The following RABGAP1L variants were observed in gnomAD, a reference collection of about 807,000 sequenced individuals.
The protein encoded by RABGAP1L is RAB GTPase activating protein 1 like.
In RABGAP1L, 63 loss-of-function variants were observed where a neutral mutation model predicts 137.7. That is an observed-to-expected ratio of 0.46 (90% CI 0.37 to 0.56). The LOEUF is 0.56. Among genes scored for constraint, RABGAP1L ranks in the 20% least tolerant of loss-of-function variants. The probability of loss-of-function intolerance (pLI) is 0.00; values close to 1 mark genes in which losing one functional copy is unlikely to be tolerated. For synonymous variants in RABGAP1L, 431 were observed against 433.7 expected (o/e 0.99, Z 0.08); for missense variants, 1,095 against 1,244.0 (o/e 0.88, Z 1.80).
At chr1:174,946,301 A>G (rs999247451) in intron 19 of RABGAP1L, among the ~76,000 whole-genome samples, 4 of 152,118 alleles carry the variant, frequency 2.6e-5, no homozygotes, top group African/African-American at 9.7e-5. Context: ...GATGATAGTC[A>G]TGTAACATAG....
chr1:174,607,412 C>G (rs974318061), intron 13 of RABGAP1L, among the ~76,000 whole-genome samples: 8 of 152,158 alleles, frequency 5.3e-5, no homozygotes, highest in Non-Finnish European at 2.9e-5. Flanking sequence ...GGCCAGACCA[C>G]TCTTTTGCCC....
At chr1:174,499,315 A>G (rs1460771744) in intron 13 of RABGAP1L, among the ~76,000 whole-genome samples, 4 of 152,302 alleles carry the variant, frequency 2.6e-5, no homozygotes, top group Non-Finnish European at 5.9e-5. Flanking sequence ...TAGTAGAAAG[A>G]TGATTGTAAT....
chr1:174,331,415 T>C (rs1681018468), intron 11 of RABGAP1L, among the ~76,000 whole-genome samples: 1 of 152,196 alleles, frequency 6.6e-6, no homozygotes, highest in African/African-American at 2.4e-5. Flanking sequence ...TAGAAAATAT[T>C]TGCACATTAT....
At chr1:174,523,725 C>G (rs903358321) in intron 13 of RABGAP1L, among the ~76,000 whole-genome samples, 1 of 151,994 alleles carries the variant, frequency 6.6e-6, no homozygotes, top group Admixed American at 6.6e-5. Context: ...AGTGTTAGAA[C>G]TTATTTCTTC....
chr1:174,737,094 C>T (rs1266800430), intron 17 of RABGAP1L, among the ~76,000 whole-genome samples: 2 of 152,160 alleles, frequency 1.3e-5, no homozygotes, highest in African/African-American at 4.8e-5. Context: ...CCATAGCCTG[C>T]TTGAATTCCT....
intron 13 of RABGAP1L, among the ~76,000 whole-genome samples, chr1:174,522,679 T>G (rs1263454103): frequency 1.3e-5 from 2 of 152,184 alleles, no homozygotes; most frequent in Non-Finnish European, 2.9e-5. Flanking sequence ...ACAGGAAGCA[T>G]GATGCTGGCA....
At chr1:174,519,132 AAT>A (rs1218306942) in intron 13 of RABGAP1L, among the ~76,000 whole-genome samples, 1 of 151,406 alleles carries the variant, frequency 6.6e-6, no homozygotes. Flanking sequence ...CGTTATATAT[AAT>A]ATATATGTAT....
chr1:174,178,101 C>T lies in RABGAP1L; in HGVS notation c.-34+18444C>T, dbSNP rs1666042135. The stretch of plus-strand genomic sequence containing the variant: ...GGCCATTTTCACGACATTGATTCTT[C>T]CTATCCGTGAGTATGGACTGTTTTT... On this transcript the variant is annotated intron_variant, in intron 1 of 25. Coordinates refer to ENST00000681986, the MANE Select transcript of RABGAP1L (RefSeq NM_001366446.1). Among the ~76,000 whole-genome samples, 3 of 152,298 alleles carry T rather than the reference C, an allele frequency of 2.0e-5. No homozygotes were observed. The South Asian group carries it at 6.2e-4, about 32-fold the overall frequency.
intron 13 of RABGAP1L, among the ~76,000 whole-genome samples, chr1:174,495,701 T>C (rs973089081): frequency 1.3e-5 from 2 of 152,212 alleles, no homozygotes; most frequent in South Asian, 2.1e-4. Flanking sequence ...TTGGTACATA[T>C]TAAACTACCT....
intron 13 of RABGAP1L, among the ~76,000 whole-genome samples, chr1:174,615,090 T>C (rs1040279559): frequency 2.6e-5 from 4 of 152,244 alleles, no homozygotes; most frequent in Admixed American, 1.3e-4. Flanking sequence ...TCAAAGTCAT[T>C]CTCCATCCTG....
chr1:174,652,244 C>T (rs980547396), intron 14 of RABGAP1L, among the ~76,000 whole-genome samples: 1 of 152,182 alleles, frequency 6.6e-6, no homozygotes, highest in African/African-American at 2.4e-5. Flanking sequence ...GGTATCCCTA[C>T]CTTTCTCTCT....
At chr1:174,374,379 T>C (rs1253320610) in intron 12 of RABGAP1L, among the ~76,000 whole-genome samples, 1 of 152,166 alleles carries the variant, frequency 6.6e-6, no homozygotes, top group Admixed American at 6.5e-5. Flanking sequence ...AAGGACTCCC[T>C]TCTTACTGGC....
chr1:174,797,922 T>A (rs1290835317), intron 18 of RABGAP1L, among the ~76,000 whole-genome samples: 4 of 152,060 alleles, frequency 2.6e-5, no homozygotes, highest in Non-Finnish European at 4.4e-5. Context: ...TACATTAAGA[T>A]CTTTACTTTG....
chr1:174,947,753 G>A (rs1667115796), intron 19 of RABGAP1L, among the ~76,000 whole-genome samples: 1 of 152,114 alleles, frequency 6.6e-6, no homozygotes, highest in Admixed American at 6.6e-5. Context: ...CTCAAATAAA[G>A]TATCAAAGAG....
At chr1:174,498,118 A>G (rs550670026) in intron 13 of RABGAP1L, among the ~76,000 whole-genome samples, 130 of 152,232 alleles carry the variant, frequency 8.5e-4, no homozygotes, top group African/African-American at 2.9e-3. Flanking sequence ...TAGGCCTTTA[A>G]GTTTTTTTTA....
At chr1:174,425,164 C>T (rs1171270354) in intron 13 of RABGAP1L, among the ~76,000 whole-genome samples, 1 of 151,960 alleles carries the variant, frequency 6.6e-6, no homozygotes, top group African/African-American at 2.4e-5. Context: ...ACCTGTATAA[C>T]CAATAGATAG....
chr1:174,982,797 T>C, intron 23 of RABGAP1L, 37 bp from the exon 24 acceptor site: 1 of 1,540,742 alleles, frequency 6.5e-7, no homozygotes, highest in Non-Finnish European at 8.8e-7. Context: ...CAAGAGTTGT[T>C]CTGTTTTCTA....
chr1:174,713,818 T>A (rs1680779508), intron 17 of RABGAP1L, among the ~76,000 whole-genome samples: 1 of 152,384 alleles, frequency 6.6e-6, no homozygotes, highest in African/African-American at 2.4e-5. Context: ...AAAATAGGTC[T>A]TGAACCTTTA....
chr1:174,619,736 A>G (rs1423893879), intron 13 of RABGAP1L, among the ~76,000 whole-genome samples: 2 of 152,180 alleles, frequency 1.3e-5, no homozygotes, highest in East Asian at 1.9e-4. Context: ...ATCAACTAAC[A>G]AGCAAAATAA....
Sources: gnomAD v4.1 joint callset for allele counts (sites outside exome capture counted in the v4.1 genomes callset) on GRCh38, gnomAD v4.1.1 for gene constraint, MANE v1.5 for transcripts, NCBI Gene and HGNC (gene_info 2026-07-23, HGNC 2026-07-21) for gene names.